DGKI: variants seen among roughly 807,000 people sequenced by gnomAD.
DGKI encodes the protein DAG kinase iota.
A neutral mutation model predicts 147.5 loss-of-function variants in DGKI; 55 were observed. The observed-to-expected ratio is 0.37, with a 90% CI of 0.30 to 0.47. The LOEUF is 0.47. Ranked by LOEUF, DGKI falls within the 20% of genes least tolerant of loss-of-function variation. The pLI, the probability that DGKI is intolerant of heterozygous loss-of-function variation, is 1.00. For synonymous variants in DGKI, 469 were observed against 477.1 expected, an observed-to-expected ratio of 0.98 and a Z score of 0.22; for missense variants, 1,007 against 1,323.8, an observed-to-expected ratio of 0.76 and a Z score of 3.71.
At chr7:137,407,788 G>T in intron 30 of DGKI, 87 bp downstream of exon 30, 1 of 1,535,778 alleles carries the variant, frequency 6.5e-7, no homozygotes, top group Non-Finnish European at 8.9e-7. Flanking sequence ...TCTGAAAACT[G>T]CCTGGATGAA....
rs192844384 is a variant in DGKI, at chr7:137,450,769, A to C, written c.2736-6667T>G. On this transcript the variant is annotated intron_variant, in intron 27 of 32. Coordinates refer to ENST00000614521, the MANE Select transcript of DGKI (RefSeq NM_001321708.2). The stretch of plus-strand genomic sequence containing the variant: ...AATATATAGTTACATATTTTTAATT[A>C]TATACATATCTTTATATATACACAT... Among the ~76,000 whole-genome samples, 870 of 151,274 alleles carry C rather than the reference A, an allele frequency of 5.8e-3. 6 individuals are homozygous for C. The highest frequency in any genetic ancestry group is 0.02 in the African/African-American group (834 of 41,422).
intron 17 of DGKI, among the ~76,000 whole-genome samples, chr7:137,575,354 A>T (rs1005492131): frequency 1.3e-5 from 2 of 152,186 alleles, no homozygotes; most frequent in African/African-American, 4.8e-5. Flanking sequence ...TTTAGACTCT[A>T]CTATAAAGTC....
In DGKI at chr7:137,618,151, A is replaced by ATTTTT. The variant is rs1156891729; in HGVS notation, c.993+1668_993+1672dup. On this transcript the variant is annotated intron_variant, in intron 8 of 32. Transcript: ENST00000614521. The stretch of plus-strand genomic sequence containing the variant: ...ACTATATATATATATATATATATAT[A>ATTTTT]TTTTTTTTTTTTTACTCTATCATTC... 5.7e-3 allele frequency among the ~76,000 whole-genome samples: 59 copies of ATTTTT among 10,426 alleles called. 5 individuals carry two copies. The highest frequency in any genetic ancestry group is 0.043 in the South Asian group (2 of 46). The allele number at this position is 10,426 out of a possible 152,430, so 6.8% of individuals were successfully genotyped here. A position where few individuals can be genotyped will look rare whatever the true frequency, so the allele number is the denominator to read the frequency against.
intron 21 of DGKI, among the ~76,000 whole-genome samples, chr7:137,516,131 A>C (rs1192611540): frequency 6.6e-6 from 1 of 152,030 alleles, no homozygotes; most frequent in Non-Finnish European, 1.5e-5. Context: ...TTTTAGATGA[A>C]GCTATTGATA....
At chr7:137,588,290 A>G (rs1374627602) in intron 12 of DGKI, among the ~76,000 whole-genome samples, 3 of 152,136 alleles carry the variant, frequency 2.0e-5, no homozygotes, top group Non-Finnish European at 4.4e-5. Context: ...ACATGTATTC[A>G]TTCTATATTT....
chr7:137,841,077 T>A (rs1246732776), intron 1 of DGKI, among the ~76,000 whole-genome samples: 1 of 152,244 alleles, frequency 6.6e-6, no homozygotes, highest in East Asian at 1.9e-4. Context: ...TTGTCTGAGA[T>A]TAGCAGAAAG....
At chr7:137,535,505 T>G in intron 20 of DGKI, among the ~76,000 whole-genome samples, 1 of 152,012 alleles carries the variant, frequency 6.6e-6, no homozygotes, top group East Asian at 1.9e-4. Context: ...ACCTGGCACA[T>G]GTACTACCCC....
chr7:137,575,742 A>C (rs1818947837), intron 17 of DGKI, among the ~76,000 whole-genome samples: 2 of 152,188 alleles, frequency 1.3e-5, no homozygotes, highest in African/African-American at 4.8e-5. Context: ...TTTCAGTCTC[A>C]AGCGTCTCCA....
rs1819439005 is a variant in DGKI at position 137,587,226 on chromosome 7, G to A, written c.1312-16C>T. The A allele has an allele frequency of 1.3e-6, 2 of 1,579,092 alleles. No individual in the cohort carries two copies. The highest frequency in any genetic ancestry group is 2.3e-5 in the South Asian group (2 of 86,336). On this transcript the variant is annotated splice_polypyrimidine_tract_variant and intron_variant, in intron 12 of 32. Coordinates refer to ENST00000614521, the MANE Select transcript of DGKI (RefSeq NM_001321708.2). ...TCCAGCCCACCTACAGGCGTATCGG[G>A]GGCCAGAAGAGATATAAGAAAGATA...
chr7:137,428,588 A>G (rs993794765), intron 28 of DGKI, among the ~76,000 whole-genome samples: 1 of 152,178 alleles, frequency 6.6e-6, no homozygotes, highest in Admixed American at 6.5e-5. Flanking sequence ...AGGGTATTCA[A>G]TTAGGAAAAG....
chr7:137,655,172 G>A (rs1822173288), intron 4 of DGKI, among the ~76,000 whole-genome samples: 1 of 151,356 alleles, frequency 6.6e-6, no homozygotes, highest in African/African-American at 2.4e-5. Flanking sequence ...TTAGTATTAT[G>A]ACAATTATTC....
At position 137,523,562 on chromosome 7, in the gene DGKI, C is replaced by G. The variant is rs942434229; in HGVS notation, c.2148-1596G>C. Among the ~76,000 whole-genome samples the G allele has an allele frequency of 2.0e-5, 3 of 152,022 alleles. No homozygotes were observed. In the South Asian group the frequency reaches 6.2e-4, roughly 32 times the overall value. On this transcript the variant is annotated intron_variant, in intron 20 of 32. Coordinates refer to ENST00000614521, the MANE Select transcript of DGKI (RefSeq NM_001321708.2). The stretch of plus-strand genomic sequence containing the variant: ...TAGGCAGGTAAAAATGTCTGAGGTT[C>G]ACTGGCTTAAAAAAATCAGTATAAA...
chr7:137,724,568 T>C (rs1794667145), intron 1 of DGKI, among the ~76,000 whole-genome samples: 1 of 152,178 alleles, frequency 6.6e-6, no homozygotes, highest in Non-Finnish European at 1.5e-5. Context: ...TTACTATTAA[T>C]GAACTAATGA....
intron 1 of DGKI, among the ~76,000 whole-genome samples, chr7:137,830,710 A>G (rs1472556648): frequency 6.6e-6 from 1 of 152,224 alleles, no homozygotes; most frequent in Non-Finnish European, 1.5e-5. Flanking sequence ...CAAATATTCG[A>G]AGACCTGTTA....
At chr7:137,643,459 A>C (rs1044596098) in intron 6 of DGKI, among the ~76,000 whole-genome samples, 17 of 152,202 alleles carry the variant, frequency 1.1e-4, no homozygotes, top group African/African-American at 4.1e-4. Flanking sequence ...CTGGAATCCA[A>C]GGAAGGGTAA....
intron 3 of DGKI, among the ~76,000 whole-genome samples, chr7:137,666,079 A>G (rs1822630337): frequency 6.6e-6 from 1 of 152,238 alleles, no homozygotes; most frequent in South Asian, 2.1e-4. Context: ...TCAGAACAGT[A>G]CAGGATTCTT....
intron 1 of DGKI, among the ~76,000 whole-genome samples, chr7:137,737,204 CAAAAAAAA>C (rs763572711): frequency 4.8e-5 from 4 of 83,494 alleles, no homozygotes; most frequent in East Asian, 3.3e-4. Context: ...CTCATTTCAC[CAAAAAAAA>C]AAAAAAAAAA....
chr7:137,503,537 C>T (rs189097259), intron 21 of DGKI, among the ~76,000 whole-genome samples: 1 of 152,252 alleles, frequency 6.6e-6, no homozygotes, highest in Admixed American at 6.5e-5. Context: ...GTTTACTTAA[C>T]AGTATTAGTT....
chr7:137,643,429 T>C (rs913286334), intron 6 of DGKI, among the ~76,000 whole-genome samples: 1 of 152,132 alleles, frequency 6.6e-6, no homozygotes, highest in Non-Finnish European at 1.5e-5. Context: ...GAGCCATAGC[T>C]TTCCTGTCCA....
Sources: gnomAD v4.1 joint callset for allele counts (sites outside exome capture counted in the v4.1 genomes callset) on GRCh38, gnomAD v4.1.1 for gene constraint, MANE v1.5 for transcripts, NCBI Gene and HGNC (gene_info 2026-07-23, HGNC 2026-07-21) for gene names.